Variants in TRAK1 observed in about 807,000 individuals in gnomAD.
TRAK1 encodes the protein trafficking kinesin-binding protein 1.
In TRAK1, 33 loss-of-function variants were observed where a neutral mutation model predicts 92.1. The ratio of observed to expected loss-of-function variants is 0.36; its 90% confidence interval spans 0.27 to 0.48. The LOEUF (loss-of-function observed/expected upper bound fraction) is 0.48. TRAK1 is among the 20% of genes least tolerant of loss of function. The pLI, the probability that TRAK1 is intolerant of heterozygous loss-of-function variation, is 0.99. For missense variants in TRAK1, 1,123 were observed against 1,257.9 expected, an observed-to-expected ratio of 0.89 and a Z score of 1.62; for synonymous variants, 521 against 517.3, an observed-to-expected ratio of 1.01 and a Z score of -0.10.
chr3:42,041,584 C>G (rs1458930902), intron 1 of TRAK1, among the ~76,000 whole-genome samples: 1 of 139,026 alleles, frequency 7.2e-6, no homozygotes, highest in Admixed American at 6.9e-5. Context: ...TCTTCCTCCT[C>G]AATATGAGGG....
intron 2 of TRAK1, among the ~76,000 whole-genome samples, chr3:42,166,300 G>T (rs893611285): frequency 4.6e-5 from 7 of 152,222 alleles, no homozygotes; most frequent in Admixed American, 3.9e-4. Context: ...GTTAAAGGAG[G>T]TGACATACAG....
chr3:42,064,811 G>A (rs551034403), intron 1 of TRAK1, among the ~76,000 whole-genome samples: 10 of 151,854 alleles, frequency 6.6e-5, no homozygotes, highest in Admixed American at 1.3e-4. Context: ...CCAGCACTTT[G>A]GGAGGCCGAG....
upstream of TRAK1, among the ~76,000 whole-genome samples, chr3:42,089,383 C>A (rs759351067): frequency 5.9e-5 from 9 of 152,172 alleles, no homozygotes; most frequent in Non-Finnish European, 1.2e-4. Context: ...CTCCGCTCAA[C>A]CATGAGAGTT....
chr3:42,213,406 TA>T (rs2149519977), intron 14 of TRAK1, among the ~76,000 whole-genome samples: 1 of 152,306 alleles, frequency 6.6e-6, no homozygotes, highest in East Asian at 1.9e-4. Context: ...CACACTTGGC[TA>T]AAATTGCCCT....
In TRAK1 at chr3:42,202,523, C is replaced by T. The variant is rs138239150; in HGVS notation, c.1515C>T (p.Arg505=). The change falls in exon 13 of 16, where the codon CGC becomes CGT. Residue 505 remains arginine, a synonymous_variant. Coordinates refer to ENST00000327628, the MANE Select transcript of TRAK1 (RefSeq NM_001042646.3). This position sits in a 1 kb window ranked among gnomAD's most constrained non-coding sequence, Gnocchi z 6.1. ...LETALRRLSL[R]RENYLSERRF... ...CGGCGCTGAGGCGGCTGTCCCTGCGCCGGGAGAACTACCTCTCGGAGAGGA... is the reference window on the plus strand; with the variant it reads ...CGGCGCTGAGGCGGCTGTCCCTGCGTCGGGAGAACTACCTCTCGGAGAGGA... The T allele has an allele frequency of 4.5e-5, 70 of 1,544,996 alleles. No homozygotes were observed. The highest frequency in any genetic ancestry group is 5.6e-5 in the Non-Finnish European group (64 of 1,138,724).
chr3:42,201,816 T>G (rs1707602443), intron 12 of TRAK1, among the ~76,000 whole-genome samples: 1 of 150,124 alleles, frequency 6.7e-6, no homozygotes, highest in Non-Finnish European at 1.5e-5. Flanking sequence ...TCCTCAGGAA[T>G]GGTCAGTTCC....
chr3:42,063,863 G>T (rs1022940669), intron 1 of TRAK1, among the ~76,000 whole-genome samples: 1 of 152,170 alleles, frequency 6.6e-6, no homozygotes, highest in African/African-American at 2.4e-5. Context: ...TTGGCCCGGT[G>T]ATGTATTTTG....
chr3:42,056,516 C>T (rs2148920204), intron 1 of TRAK1, among the ~76,000 whole-genome samples: 1 of 152,190 alleles, frequency 6.6e-6, no homozygotes. Context: ...ATGTTAAAAA[C>T]ATTTCAACAG....
At chr3:42,018,638 G>A (rs1701616569) in intron 1 of TRAK1, among the ~76,000 whole-genome samples, 1 of 151,994 alleles carries the variant, frequency 6.6e-6, no homozygotes, top group South Asian at 2.1e-4. Flanking sequence ...TGACATTTTC[G>A]AAAAGTATCT....
At chr3:42,196,469 G>C (rs1263480282) in intron 10 of TRAK1, among the ~76,000 whole-genome samples, 2 of 151,878 alleles carry the variant, frequency 1.3e-5, no homozygotes, top group Non-Finnish European at 1.5e-5. Context: ...AGTGATATTA[G>C]CACTGCTTGT....
intron 1 of TRAK1, among the ~76,000 whole-genome samples, chr3:42,018,966 A>G (rs993267673): frequency 2.0e-4 from 31 of 152,154 alleles, no homozygotes; most frequent in Non-Finnish European, 2.5e-4. Context: ...TATTAAAAAT[A>G]CAAAAATTAG....
chr3:42,076,028 A>C (rs1704140569), intron 1 of TRAK1, among the ~76,000 whole-genome samples: 1 of 151,004 alleles, frequency 6.6e-6, no homozygotes, highest in South Asian at 2.1e-4. Context: ...ATTTTTAGTA[A>C]AGATGGGGTT....
intron 10 of TRAK1, 128 bp from the exon 11 acceptor site, chr3:42,199,049 T>A (rs1049386885): frequency 1.1e-6 from 1 of 876,268 alleles, no homozygotes; most frequent in Non-Finnish European, 1.8e-6. Flanking sequence ...AAGTTTGTGT[T>A]GTGGGAAGAC....
intron 7 of TRAK1, 117 bp from the exon 8 acceptor site, chr3:42,192,958 A>G (rs896408910): frequency 2.8e-6 from 4 of 1,453,366 alleles, no homozygotes; most frequent in Non-Finnish European, 9.3e-7. Context: ...TCCCCACTCT[A>G]CCCTGTCTTT....
intron 10 of TRAK1, among the ~76,000 whole-genome samples, chr3:42,198,222 A>G (rs1707025417): frequency 6.6e-6 from 1 of 152,160 alleles, no homozygotes. Context: ...GTGCTGAGTG[A>G]TGGGTGGTAC....
At chr3:42,148,953 C>T (rs1262600695) in intron 2 of TRAK1, among the ~76,000 whole-genome samples, 2 of 152,192 alleles carry the variant, frequency 1.3e-5, no homozygotes, top group African/African-American at 2.4e-5. Flanking sequence ...CTTGTCCTTA[C>T]GTTTCTTGAA....
At chr3:42,210,714 T>C (rs1559393624) in intron 14 of TRAK1, 14 of 987,180 alleles carry the variant, frequency 1.4e-5, no homozygotes, top group Non-Finnish European at 1.7e-5. Context: ...AGCTTACACA[T>C]GTGTTCAAAG....
chr3:42,197,218 G>A (rs1395144779), intron 10 of TRAK1, among the ~76,000 whole-genome samples: 1 of 152,042 alleles, frequency 6.6e-6, no homozygotes, highest in African/African-American at 2.4e-5. Flanking sequence ...TGAAATTACA[G>A]TCATCCCTGA....
intron 6 of TRAK1, among the ~76,000 whole-genome samples, chr3:42,190,727 TCTTG>T (rs539266049): frequency 1.3e-5 from 2 of 152,124 alleles, no homozygotes; most frequent in African/African-American, 4.8e-5. Flanking sequence ...TAACTGGGGC[TCTTG>T]CTTGCTTGCT....
Sources: gnomAD v4.1 joint callset for allele counts (sites outside exome capture counted in the v4.1 genomes callset) on GRCh38, gnomAD v4.1.1 for gene constraint, Gnocchi (gnomAD v3.1) non-coding constraint, MANE v1.5 for transcripts, NCBI Gene and HGNC (gene_info 2026-07-23, HGNC 2026-07-21) for gene names.